OPHN1: variants seen among roughly 807,000 people sequenced by gnomAD.
OPHN1 encodes oligophrenin-1.
Under a neutral mutation model 60.7 loss-of-function variants are expected in OPHN1, and 11 were observed. The observed-to-expected ratio is 0.18, with a 90% CI of 0.11 to 0.30. OPHN1 has a LOEUF of 0.30. Ranked by LOEUF, OPHN1 falls within the 10% of genes least tolerant of loss-of-function variation. The probability of loss-of-function intolerance (pLI) is 1.00; values close to 1 mark genes in which losing one functional copy is unlikely to be tolerated. For missense variants in OPHN1, 449 were observed against 611.0 expected (o/e 0.73, Z 2.80); for synonymous variants, 226 against 222.6 (o/e 1.02, Z -0.14).
chrX:68,212,071 G>T, intron 8 of OPHN1, 37 bp downstream of exon 8: 1 of 1,002,923 alleles, frequency 1.0e-6, no homozygotes. Flanking sequence ...CAATCGGAAT[G>T]GAAAGACCGG....
intron 5 of OPHN1, among the ~76,000 whole-genome samples, chrX:68,266,560 G>C (rs998814565): frequency 1.2e-4 from 13 of 111,605 alleles, no homozygotes; most frequent in African/African-American, 3.9e-4. Flanking sequence ...ACCGGTACCA[G>C]CCACTGCAAA....
intron 20 of OPHN1, among the ~76,000 whole-genome samples, chrX:68,067,462 C>A (rs978815775): frequency 9.1e-5 from 10 of 109,423 alleles, no homozygotes; most frequent in African/African-American, 3.3e-4. Flanking sequence ...CTTTGAGTCA[C>A]AGAAGACAAT....
intron 5 of OPHN1, among the ~76,000 whole-genome samples, chrX:68,244,939 G>A (rs2077798169): frequency 9.0e-6 from 1 of 111,377 alleles, no homozygotes; most frequent in South Asian, 3.8e-4. Context: ...TGACTCTAAA[G>A]CCCTTACTTC....
chrX:68,255,388 G>A (rs182294716), intron 5 of OPHN1, among the ~76,000 whole-genome samples: 1 of 112,692 alleles, frequency 8.9e-6, no homozygotes, highest in East Asian at 2.8e-4. Context: ...AGTGTTTGAT[G>A]ATTAACTTTA....
intron 15 of OPHN1, among the ~76,000 whole-genome samples, chrX:68,129,501 A>T: frequency 8.9e-6 from 1 of 112,141 alleles, no homozygotes; most frequent in Admixed American, 9.5e-5. Context: ...ATTACTGTCT[A>T]AATATTGCTA....
At chrX:68,148,795 C>A (rs2077273884) in intron 15 of OPHN1, among the ~76,000 whole-genome samples, 1 of 110,906 alleles carries the variant, frequency 9.0e-6, no homozygotes, top group African/African-American at 3.3e-5. Context: ...TCCCACTGCA[C>A]AAAGCAAGCA....
At chrX:68,142,842 A>C (rs138394519) in intron 15 of OPHN1, among the ~76,000 whole-genome samples, 275 of 112,126 alleles carry the variant, frequency 2.5e-3, no homozygotes, top group African/African-American at 8.4e-3. Context: ...GTCAAATGGA[A>C]ATTACATAGC....
chrX:68,382,884 G>A (rs1569298192), intron 2 of OPHN1, among the ~76,000 whole-genome samples: 1 of 111,824 alleles, frequency 8.9e-6, no homozygotes, highest in Non-Finnish European at 1.9e-5. Context: ...CTCCCCAAAA[G>A]CAAGTTATTA....
At chrX:68,236,548 T>C (rs1165169552) in intron 5 of OPHN1, among the ~76,000 whole-genome samples, 1 of 111,889 alleles carries the variant, frequency 8.9e-6, no homozygotes, top group African/African-American at 3.3e-5. Flanking sequence ...TTAGTAATCA[T>C]TTTCCATTCC....
intron 21 of OPHN1, among the ~76,000 whole-genome samples, chrX:68,054,159 A>G (rs2076863617): frequency 9.1e-6 from 1 of 110,437 alleles, no homozygotes; most frequent in African/African-American, 3.3e-5. Flanking sequence ...GTGCAGGGCC[A>G]GGTACATAGT....
intron 2 of OPHN1, among the ~76,000 whole-genome samples, chrX:68,332,684 A>G (rs773402133): frequency 9.0e-6 from 1 of 111,530 alleles, no homozygotes; most frequent in East Asian, 2.8e-4. Flanking sequence ...AGCCTCTGCT[A>G]AAGACTCAGC....
chrX:68,293,893 T>A (rs1375160338), intron 3 of OPHN1, among the ~76,000 whole-genome samples: 5 of 111,071 alleles, frequency 4.5e-5, no homozygotes, highest in African/African-American at 1.6e-4. Flanking sequence ...GACTCAGATA[T>A]CACTTCTCTG....
intron 2 of OPHN1, among the ~76,000 whole-genome samples, chrX:68,378,286 T>G (rs758554173): frequency 8.9e-6 from 1 of 112,182 alleles, no homozygotes; most frequent in South Asian, 3.7e-4. Context: ...TTGTTTGTTT[T>G]TTTCTTGTAA....
In OPHN1 at chrX:68,063,935, T is replaced by G; in HGVS notation, c.2077A>C (p.Met693Leu). 1 of 1,202,273 alleles carries G rather than the reference T, an allele frequency of 8.3e-7. No homozygotes were observed. The highest frequency in any genetic ancestry group is 1.1e-6 in the Non-Finnish European group (1 of 890,080). Residue 693 changes from methionine (M) to leucine (L), a missense_variant, in exon 21 of 25, where the codon ATG becomes CTG. By Grantham distance (15) the Met-to-Leu change is conservative. Transcript: ENST00000355520. ...GTCTTGGTGGGCCCAGAGCCTGGCA[T>G]GGGTCCATTGGTGGCCTTTGGGGTG... is the stretch of plus-strand genomic sequence containing the variant. ...KITPKATNGP[M>L]PGSGPTKTPS...
chrX:68,265,812 C>T (rs1281951895), intron 5 of OPHN1, among the ~76,000 whole-genome samples: 1 of 110,893 alleles, frequency 9.0e-6, no homozygotes, highest in East Asian at 2.8e-4. Context: ...ACTAGAATAA[C>T]CAATGCAGAG....
chrX:68,098,759 C>G (rs781503161), intron 18 of OPHN1, among the ~76,000 whole-genome samples: 1 of 111,633 alleles, frequency 9.0e-6, no homozygotes, highest in African/African-American at 3.3e-5. Context: ...CCAAGTGACC[C>G]TAAAAGGCTA....
At chrX:68,169,024 C>G (rs963982203) in intron 15 of OPHN1, among the ~76,000 whole-genome samples, 22 of 111,378 alleles carry the variant, frequency 2.0e-4, no homozygotes, top group Admixed American at 9.5e-5. Context: ...AGTTTACCAA[C>G]CAAAAAGAGT....
intron 2 of OPHN1, among the ~76,000 whole-genome samples, chrX:68,383,436 A>T (rs1486645575): frequency 9.3e-6 from 1 of 107,986 alleles, no homozygotes; most frequent in Non-Finnish European, 1.9e-5. Flanking sequence ...TACTAAAAAT[A>T]CAATAAGAAA....
Position 68,073,136 on chromosome X carries a change from G to A in OPHN1, c.1834+16C>T. The A allele has an allele frequency of 8.3e-7, 1 of 1,201,600 alleles. No homozygotes were observed. On this transcript the variant is annotated intron_variant, in intron 20 of 24. Coordinates refer to ENST00000355520, the MANE Select transcript of OPHN1 (RefSeq NM_002547.3). ...TAATCACCATTCAGAAGCTAAAGGTGAACCTCAGTACTGACCTTCGCTTTC... is the reference window on the plus strand; with the variant it reads ...TAATCACCATTCAGAAGCTAAAGGTAAACCTCAGTACTGACCTTCGCTTTC...
Sources: allele counts gnomAD v4.1 joint callset (sites outside exome capture counted in the v4.1 genomes callset), GRCh38; gene constraint gnomAD v4.1.1; transcripts MANE v1.5; gene names NCBI Gene and HGNC (gene_info 2026-07-23, HGNC 2026-07-21).